SVOPL: variants seen among roughly 807,000 people sequenced by gnomAD.
SVOPL encodes the protein putative transporter SVOPL.
Under a neutral mutation model 61.0 loss-of-function variants are expected in SVOPL, and 60 were observed. The ratio of observed to expected loss-of-function variants is 0.98; its 90% CI spans 0.80 to 1.22. The LOEUF (loss-of-function observed/expected upper bound fraction) is 1.22, where lower values mean the gene tolerates loss of function less well. SVOPL is among the 50% of genes most tolerant of loss of function. The pLI, the probability that SVOPL is intolerant of heterozygous loss-of-function variation, is 0.00. For synonymous variants in SVOPL, 279 were observed against 250.0 expected (o/e 1.12, Z -1.09); for missense variants, 662 against 643.9 (o/e 1.03, Z -0.30).
chr7:138,602,900 A>T (rs1253703750), intron 14 of SVOPL, among the ~76,000 whole-genome samples: 1 of 152,120 alleles, frequency 6.6e-6, no homozygotes, highest in Non-Finnish European at 1.5e-5. Flanking sequence ...CCAAACTTTG[A>T]AAAGGGGGTT....
In SVOPL at chr7:138,627,438, T is replaced by C; in HGVS notation, c.1093A>G (p.Ile365Val). The change falls in exon 12 of 16, where the codon ATC (isoleucine) becomes GTC (valine). Residue 365 changes from isoleucine (I) to valine (V), a missense_variant. Physicochemically the swap from Ile to Val is conservative, Grantham distance 29 (BLOSUM62 3). Coordinates refer to ENST00000674285, the MANE Select transcript of SVOPL (RefSeq NM_001139456.2). ...CTCAGCCGTCTTCCCAGGAAATTGATGCCCAGTATATTTAAAGGATTCACT... is the reference window on the plus strand; with the variant it reads ...CTCAGCCGTCTTCCCAGGAAATTGACGCCCAGTATATTTAAAGGATTCACT... ...IALNPLNILG[I>V]NFLGRRLSLS... is the part of the protein sequence containing the mutation. 1 of 1,613,748 alleles carries C rather than the reference T, an allele frequency of 6.2e-7. No individual in the cohort carries two copies. The highest frequency in any genetic ancestry group is 8.5e-7 in the Non-Finnish European group (1 of 1,179,700).
chr7:138,629,703 G>A (rs1194706226), intron 10 of SVOPL, among the ~76,000 whole-genome samples: 2 of 152,184 alleles, frequency 1.3e-5, no homozygotes, highest in Non-Finnish European at 2.9e-5. Context: ...TACCACAAGA[G>A]TCTGTGCCAC....
intron 14 of SVOPL, among the ~76,000 whole-genome samples, chr7:138,606,144 G>A (rs1359205079): frequency 6.6e-6 from 1 of 152,108 alleles, no homozygotes; most frequent in Non-Finnish European, 1.5e-5. Context: ...CTCATGGCGA[G>A]TAAAGTCTAT....
chr7:138,677,188 G>A (rs951458847), intron 3 of SVOPL, among the ~76,000 whole-genome samples: 5 of 152,164 alleles, frequency 3.3e-5, no homozygotes, highest in Non-Finnish European at 4.4e-5. Context: ...ACAGGCGTGA[G>A]CCACTGCGCC....
rs540983607 is a variant in SVOPL at position 138,690,441 on chromosome 7, T to C, written c.-35+10737A>G. On this transcript the variant is annotated intron_variant, in intron 1 of 15. Coordinates refer to ENST00000674285, the MANE Select transcript of SVOPL (RefSeq NM_001139456.2). ...GGATAAATGAGATGTGGTCTATCCATACAATGGAATATCATTCAGCAATAA... is the reference window on the plus strand; with the variant it reads ...GGATAAATGAGATGTGGTCTATCCACACAATGGAATATCATTCAGCAATAA... Among the ~76,000 whole-genome samples the C allele has an allele frequency of 3.2e-4, 49 of 152,302 alleles. No homozygotes were observed. The South Asian group carries it at 8.9e-3, about 28-fold the overall frequency.
At chr7:138,615,028 G>A (rs1450054244) in intron 14 of SVOPL, among the ~76,000 whole-genome samples, 1 of 152,114 alleles carries the variant, frequency 6.6e-6, no homozygotes, top group Admixed American at 6.5e-5. Context: ...CAAGCCTAGG[G>A]TAAATCCCAA....
chr7:138,689,061 A>T (rs1802881329), intron 1 of SVOPL: 1 of 727,234 alleles, frequency 1.4e-6, no homozygotes, highest in Non-Finnish European at 2.6e-6. Context: ...TCACTTTAAG[A>T]ACACTCATGA....
chr7:138,659,124 G>A (rs1584848362), intron 6 of SVOPL, among the ~76,000 whole-genome samples: 1 of 152,088 alleles, frequency 6.6e-6, no homozygotes, highest in East Asian at 1.9e-4. Context: ...TAAAACCTTG[G>A]TTGTGGAGAC....
intron 7 of SVOPL, among the ~76,000 whole-genome samples, chr7:138,651,696 G>A (rs1801441843): frequency 6.6e-6 from 1 of 151,980 alleles, no homozygotes; most frequent in Non-Finnish European, 1.5e-5. Context: ...TATTTTCATT[G>A]TTTGGGGGCA....
At chr7:138,596,760 C>A in intron 14 of SVOPL, 2 of 1,181,952 alleles carry the variant, frequency 1.7e-6, no homozygotes, top group Non-Finnish European at 2.1e-6. Flanking sequence ...CCAGGTAAGA[C>A]CTCTCTTGGC....
At chr7:138,648,257 G>A (rs1801222733) in intron 8 of SVOPL, among the ~76,000 whole-genome samples, 1 of 152,084 alleles carries the variant, frequency 6.6e-6, no homozygotes. Flanking sequence ...AACGAGGCAG[G>A]CTAAGGGAGG....
chr7:138,686,258 C>T (rs761341327), intron 1 of SVOPL, among the ~76,000 whole-genome samples: 4 of 151,634 alleles, frequency 2.6e-5, no homozygotes, highest in Admixed American at 1.3e-4. Context: ...CAAAAATTAG[C>T]TGGGCGTGGT....
At chr7:138,697,694 A>G in intron 1 of SVOPL, among the ~76,000 whole-genome samples, 1 of 149,668 alleles carries the variant, frequency 6.7e-6, no homozygotes. Context: ...GAGGAAGAAG[A>G]AGAGGAAGAA....
chr7:138,672,333 A>G (rs1802443364), intron 3 of SVOPL, among the ~76,000 whole-genome samples: 1 of 152,200 alleles, frequency 6.6e-6, no homozygotes, highest in South Asian at 2.1e-4. Flanking sequence ...ACAACTTGAG[A>G]GAGTTCCCAA....
chr7:138,698,640 T>C (rs1014773479), intron 1 of SVOPL, among the ~76,000 whole-genome samples: 1 of 152,196 alleles, frequency 6.6e-6, no homozygotes, highest in African/African-American at 2.4e-5. Flanking sequence ...CTGTGATTTC[T>C]GGTCTCTGTT....
chr7:138,623,224 T>C (rs1799746578), intron 13 of SVOPL, among the ~76,000 whole-genome samples: 1 of 152,210 alleles, frequency 6.6e-6, no homozygotes, highest in Non-Finnish European at 1.5e-5. Flanking sequence ...AAAGTCTTTT[T>C]TCACATTGTG....
At chr7:138,632,931 C>T (rs1800282264) in intron 9 of SVOPL, among the ~76,000 whole-genome samples, 1 of 152,156 alleles carries the variant, frequency 6.6e-6, no homozygotes, top group East Asian at 1.9e-4. Flanking sequence ...CTTTTTGCAA[C>T]TGTTTTTACT....
At chr7:138,602,051 A>C (rs1323890683) in intron 14 of SVOPL, among the ~76,000 whole-genome samples, 1 of 152,234 alleles carries the variant, frequency 6.6e-6, no homozygotes, top group Non-Finnish European at 1.5e-5. Context: ...TGATTAAAAT[A>C]GTTGCACATA....
chr7:138,697,475 G>T (rs1450849154), intron 1 of SVOPL, among the ~76,000 whole-genome samples: 1 of 151,792 alleles, frequency 6.6e-6, no homozygotes, highest in Admixed American at 6.6e-5. Context: ...CTGTGTGGTG[G>T]CACGTGCCTG....
Sources: allele counts gnomAD v4.1 joint callset (sites outside exome capture counted in the v4.1 genomes callset), GRCh38; gene constraint gnomAD v4.1.1; transcripts MANE v1.5; gene names NCBI Gene and HGNC (gene_info 2026-07-23, HGNC 2026-07-21).